Variants in VSX1 observed in about 807,000 individuals in gnomAD.
VSX1 encodes the protein homeodomain protein RINX.
A neutral mutation model predicts 23.6 loss-of-function variants in VSX1; 23 were observed. The ratio of observed to expected loss-of-function variants is 0.97; its 90% CI spans 0.70 to 1.38. VSX1 has a LOEUF of 1.38. VSX1 is among the 40% of genes most tolerant of loss of function. The pLI is 0.00. For missense variants in VSX1, 517 were observed against 495.4 expected, an observed-to-expected ratio of 1.04 and a Z score of -0.41; for synonymous variants, 247 against 215.1, an observed-to-expected ratio of 1.15 and a Z score of -1.30.
chr20:25,076,490 C>A lies in VSX1; in HGVS notation c.869G>T (p.Gly290Val). Reference sequence around the variant, plus strand: ...TTTGAAGTGGTCAGAGCCCCAGAGTCCTGCCAACTTATCTTCACTTCCTGG... The same window carrying A: ...TTTGAAGTGGTCAGAGCCCCAGAGTACTGCCAACTTATCTTCACTTCCTGG... ...RKPGSEDKLA[G>V]LWGSDHFKEG... The change falls in exon 5 of 5, where the codon GGA (glycine) becomes GTA (valine). Residue 290 changes from glycine (G) to valine (V), a missense_variant. By Grantham distance (109) the Gly-to-Val change is moderately radical. Transcript: ENST00000376709. 1 of 1,614,000 alleles carries A rather than the reference C, an allele frequency of 6.2e-7. No homozygotes were observed. The highest frequency in any genetic ancestry group is 8.5e-7 in the Non-Finnish European group (1 of 1,179,992).
chr20:25,071,094 A>T (rs1387995532), downstream of VSX1: 2 of 454,034 alleles, frequency 4.4e-6, no homozygotes, highest in East Asian at 1.4e-4. Flanking sequence ...TCAGGGGTCA[A>T]AGAGGAGACG....
downstream of VSX1, among the ~76,000 whole-genome samples, chr20:25,073,646 T>C (rs2089427658): frequency 1.3e-5 from 2 of 152,210 alleles, no homozygotes; most frequent in South Asian, 4.1e-4. Context: ...TGACATGCAG[T>C]GCTGACCAAT....
At position 25,078,002 on chromosome 20, in the gene VSX1, T is replaced by G. The variant is rs60782926; in HGVS notation, c.628-137A>C. 1,239 of 1,223,994 alleles carry G rather than the reference T, an allele frequency of 1.0e-3. 8 individuals carry two copies. In the African/African-American group the frequency reaches 0.017, roughly 17 times the overall value. The allele number at this position is 1,223,994 out of a possible 1,614,324, so 75.8% of individuals were successfully genotyped here. On this transcript the variant is annotated intron_variant, in intron 3 of 4. Transcript: ENST00000376709. ...CCATGCTATTTCTGAAGGAAATAGCTCCCGAGGGCCAACCAGCCGCCCTCA... is the reference window on the plus strand; with the variant it reads ...CCATGCTATTTCTGAAGGAAATAGCGCCCGAGGGCCAACCAGCCGCCCTCA...
At chr20:25,076,875 G>A (rs1347219847) in intron 4 of VSX1, among the ~76,000 whole-genome samples, 2 of 152,214 alleles carry the variant, frequency 1.3e-5, no homozygotes, top group African/African-American at 2.4e-5. Flanking sequence ...GCCAGTTTGG[G>A]TCACTGCCTA....
At chr20:25,074,510 A>G (rs1282561877), downstream of VSX1, among the ~76,000 whole-genome samples, 1 of 152,022 alleles carries the variant, frequency 6.6e-6, no homozygotes, top group Non-Finnish European at 1.5e-5. Flanking sequence ...TTTGTCCACT[A>G]CTTGTATATT....
In VSX1 at chr20:25,082,128, T is replaced by C; in HGVS notation, c.-32A>G. On this transcript the variant is annotated 5_prime_UTR_variant, in exon 1 of 5. Coordinates refer to ENST00000376709, the MANE Select transcript of VSX1 (RefSeq NM_014588.6). ...TTAGCAAGCAAGGCGCGAGCCTCTC[T>C]GGATCCCGTTTGCGGAGGGCCCAGC... 6.5e-7 allele frequency: 1 copy of C among 1,536,388 alleles called. No individual in the cohort carries two copies. The highest frequency in any genetic ancestry group is 8.7e-7 in the Non-Finnish European group (1 of 1,147,128).
downstream of VSX1, chr20:25,072,168 G>A: frequency 1.8e-6 from 1 of 568,024 alleles, no homozygotes; most frequent in Middle Eastern, 2.7e-4. Context: ...TAAAATGGTT[G>A]TTTTAAGCCA....
Position 25,076,647 on chromosome 20 carries a change from G to C in VSX1, c.809-97C>G, listed in dbSNP as rs6050302. The C allele has an allele frequency of 2.8e-3, 3,918 of 1,395,692 alleles. 87 individuals are homozygous for C. The African/African-American group carries it at 0.047, about 17-fold the overall frequency. The allele number at this position is 1,395,692 out of a possible 1,614,324, so 86.5% of individuals were successfully genotyped here. ...TCTTATTGTTCTCTAAATCCCACTA[G>C]AATTGTCCTTGTCAGTGCCTATCTC... On this transcript the variant is annotated intron_variant, in intron 4 of 4. Coordinates refer to ENST00000376709, the MANE Select transcript of VSX1 (RefSeq NM_014588.6).
chr20:25,081,608 G>T lies in VSX1; in HGVS notation c.424+65C>A, dbSNP rs560338306. 119 of 1,545,532 alleles carry T rather than the reference G, an allele frequency of 7.7e-5. No individual in the cohort carries two copies. The African/African-American group carries it at 1.3e-3, about 17-fold the overall frequency. On this transcript the variant is annotated intron_variant, in intron 1 of 4. Transcript: ENST00000376709. The stretch of plus-strand genomic sequence containing the variant: ...CAGGGGTGCGGTGGGGCGATGGTCT[G>T]TGACCCCTGCGCGGCTCAGAGCCTA...
intron 1 of VSX1, among the ~76,000 whole-genome samples, chr20:25,080,524 T>C (rs2089616696): frequency 6.6e-6 from 1 of 152,270 alleles, no homozygotes; most frequent in Admixed American, 6.5e-5. Flanking sequence ...TAATATTTGC[T>C]ATCATTGTTG....
intron 2 of VSX1, 133 bp downstream of exon 2, chr20:25,079,302 GC>G (rs1161687140): frequency 1.2e-6 from 1 of 861,534 alleles, no homozygotes; most frequent in East Asian, 2.7e-5. Flanking sequence ...TGGCTTCTGT[GC>G]CCTTCCCATT....
chr20:25,076,363 G>T lies in VSX1; in HGVS notation c.996C>A (p.Ala332=), dbSNP rs1377236393. 1 of 1,614,102 alleles carries T rather than the reference G, an allele frequency of 6.2e-7. No individual in the cohort carries two copies. The highest frequency in any genetic ancestry group is 8.5e-7 in the Non-Finnish European group (1 of 1,180,020). Residue 332 remains alanine, a synonymous_variant, in exon 5 of 5, where the codon GCC becomes GCA. Transcript: ENST00000376709. ...GGTGCACTTTCTTGGTCTCCTGCCGGGCAGAGCTGGAGAGGTCAATAGCCA... is the reference window on the plus strand; with the variant it reads ...GGTGCACTTTCTTGGTCTCCTGCCGTGCAGAGCTGGAGAGGTCAATAGCCA... ...EDVAIDLSSS[A]RQETKKVHPG...
chr20:25,079,615 T>C (rs2089597754), intron 1 of VSX1, 101 bp from the exon 2 acceptor site: 1 of 1,294,248 alleles, frequency 7.7e-7, no homozygotes, highest in East Asian at 2.5e-5. Flanking sequence ...TCTTGGGTAC[T>C]TAAGTAGTTT....
downstream of VSX1, chr20:25,072,044 A>T: frequency 1.6e-6 from 1 of 618,960 alleles, no homozygotes; most frequent in Non-Finnish European, 2.9e-6. Flanking sequence ...AGTATTTCAC[A>T]ACAACTCTTG....
intron 1 of VSX1, 160 bp downstream of exon 1, chr20:25,081,513 G>A: frequency 7.2e-6 from 8 of 1,104,118 alleles, no homozygotes; most frequent in Non-Finnish European, 1.1e-5. Context: ...AGGCGGCGCA[G>A]CTCCGCGAAT....
chr20:25,079,233 G>A (rs1323967012), intron 2 of VSX1, among the ~76,000 whole-genome samples: 1 of 152,168 alleles, frequency 6.6e-6, no homozygotes, highest in Non-Finnish European at 1.5e-5. Flanking sequence ...CCAAAAAAAT[G>A]CTAGCAAGAT....
rs6037016 is a variant in VSX1 at position 25,081,758 on chromosome 20, G to A, written c.339C>T (p.Gly113=). ...LADVPFLPPR[G]PEPAAPLAPS... The stretch of plus-strand genomic sequence containing the variant: ...GAGCCAGCGGGGCAGCGGGCTCGGG[G>A]CCCCTGGGCGGCAGGAACGGCACGT... Residue 113 remains glycine, a synonymous_variant, in exon 1 of 5, where the codon GGC becomes GGT. Coordinates refer to ENST00000376709, the MANE Select transcript of VSX1 (RefSeq NM_014588.6). 4,002 of 1,499,536 alleles carry A rather than the reference G, an allele frequency of 2.7e-3. 92 individuals carry two copies. The African/African-American group carries it at 0.047, about 17-fold the overall frequency. The allele number at this position is 1,499,536 out of a possible 1,614,324, so 92.9% of individuals were successfully genotyped here.
chr20:25,071,948 CG>C (rs1368616697), downstream of VSX1: 2 of 661,620 alleles, frequency 3.0e-6, no homozygotes, highest in African/African-American at 3.6e-5. Context: ...GGCACCACCA[CG>C]GGGTCTGGGG....
chr20:25,079,298 C>T, intron 2 of VSX1, 138 bp downstream of exon 2: 2 of 829,100 alleles, frequency 2.4e-6, no homozygotes, highest in Admixed American at 2.9e-5. Flanking sequence ...CAAATGGCTT[C>T]TGTGCCCTTC....
Sources: gnomAD v4.1 joint callset for allele counts (sites outside exome capture counted in the v4.1 genomes callset) on GRCh38, gnomAD v4.1.1 for gene constraint, MANE v1.5 for transcripts, NCBI Gene and HGNC (gene_info 2026-07-23, HGNC 2026-07-21) for gene names.